The following LRRC4C variants were observed in gnomAD, a reference collection of about 807,000 sequenced individuals.
LRRC4C encodes leucine rich repeat containing 4C, also known as leucine-rich repeat-containing protein 4C.
Under a neutral mutation model 33.6 loss-of-function variants are expected in LRRC4C, and 5 were observed. That is an observed-to-expected ratio of 0.15 (90% CI 0.08 to 0.31). LRRC4C has a LOEUF of 0.31. LRRC4C is among the 10% of genes least tolerant of loss of function. LRRC4C has a pLI of 1.00. For synonymous variants in LRRC4C, 329 were observed against 302.0 expected (o/e 1.09, Z -0.93); for missense variants, 560 against 796.7 (o/e 0.70, Z 3.58).
At chr11:41,322,452 T>A (rs1394674618) in intron 1 of LRRC4C, among the ~76,000 whole-genome samples, 1 of 152,164 alleles carries the variant, frequency 6.6e-6, no homozygotes, top group Non-Finnish European at 1.5e-5. Flanking sequence ...AAGCTTTTTA[T>A]TCAGGCCAAA....
At chr11:40,960,633 C>A (rs1194945493) in intron 1 of LRRC4C, among the ~76,000 whole-genome samples, 2 of 151,660 alleles carry the variant, frequency 1.3e-5, no homozygotes, top group Non-Finnish European at 3.0e-5. Flanking sequence ...TGTTCTAGCA[C>A]AGAAGAAAAC....
At chr11:40,583,532 C>G (rs544485181) in intron 3 of LRRC4C, among the ~76,000 whole-genome samples, 1 of 152,204 alleles carries the variant, frequency 6.6e-6, no homozygotes, top group East Asian at 1.9e-4. Context: ...TTTGGCGTAC[C>G]ATACCTTGCC....
At chr11:40,171,683 T>C (rs1353450651) in intron 5 of LRRC4C, among the ~76,000 whole-genome samples, 1 of 152,184 alleles carries the variant, frequency 6.6e-6, no homozygotes, top group Non-Finnish European at 1.5e-5. Flanking sequence ...AAGGAGCTTG[T>C]GCTTAATCTA....
intron 4 of LRRC4C, 25 bp downstream of exon 4, chr11:40,319,603 T>C (rs1002734327): frequency 1.3e-5 from 2 of 152,158 alleles, no homozygotes; most frequent in African/African-American, 4.8e-5. Context: ...CCCTAAAGAA[T>C]AGATTAGTGG....
intron 4 of LRRC4C, among the ~76,000 whole-genome samples, chr11:40,243,697 T>G (rs966859092): frequency 2.1e-4 from 31 of 147,008 alleles, no homozygotes; most frequent in Admixed American, 2.1e-3. Flanking sequence ...CTTTTTTTTT[T>G]TTTTTTTTTT....
At chr11:40,845,031 T>C (rs534179995) in intron 2 of LRRC4C, among the ~76,000 whole-genome samples, 2 of 152,256 alleles carry the variant, frequency 1.3e-5, no homozygotes, top group African/African-American at 4.8e-5. Flanking sequence ...AACATCATGC[T>C]GTTTAGTTTT....
intron 3 of LRRC4C, among the ~76,000 whole-genome samples, chr11:40,517,676 C>A: frequency 6.6e-6 from 1 of 151,320 alleles, no homozygotes. Context: ...CCATACTGCC[C>A]AAAGTAATTT....
intron 3 of LRRC4C, among the ~76,000 whole-genome samples, chr11:40,464,253 GA>G (rs1165609471): frequency 6.6e-6 from 1 of 151,848 alleles, no homozygotes; most frequent in Non-Finnish European, 1.5e-5. Context: ...AATAGATGAG[GA>G]AAAAAATTGA....
intron 1 of LRRC4C, among the ~76,000 whole-genome samples, chr11:41,270,767 G>T (rs1160245466): frequency 6.6e-6 from 1 of 152,000 alleles, no homozygotes; most frequent in African/African-American, 2.4e-5. Context: ...CATAGCAAAT[G>T]ACTACAAATT....
At chr11:40,633,007 C>A (rs987838482) in intron 3 of LRRC4C, among the ~76,000 whole-genome samples, 1 of 152,166 alleles carries the variant, frequency 6.6e-6, no homozygotes, top group South Asian at 2.1e-4. Flanking sequence ...TTTGCCAAGG[C>A]TACTTTGGGT....
intron 1 of LRRC4C, among the ~76,000 whole-genome samples, chr11:41,277,981 A>T (rs993155107): frequency 6.6e-6 from 1 of 152,076 alleles, no homozygotes; most frequent in Admixed American, 6.6e-5. Flanking sequence ...AATCTAAAAT[A>T]GTTGATCTCA....
chr11:40,581,700 G>A (rs1261188446), intron 3 of LRRC4C, among the ~76,000 whole-genome samples: 2 of 152,028 alleles, frequency 1.3e-5, no homozygotes, highest in Non-Finnish European at 2.9e-5. Context: ...TCGGGAGTTC[G>A]AGACCAGCCT....
chr11:40,365,229 G>A (rs990810610), intron 3 of LRRC4C, among the ~76,000 whole-genome samples: 4 of 151,876 alleles, frequency 2.6e-5, no homozygotes, highest in African/African-American at 4.8e-5. Context: ...TCATATATAC[G>A]ATTTAAAATT....
chr11:41,009,174 C>A (rs1854988160), intron 1 of LRRC4C, among the ~76,000 whole-genome samples: 1 of 151,814 alleles, frequency 6.6e-6, no homozygotes. Context: ...CACATATTTT[C>A]TGATATATGT....
intron 1 of LRRC4C, among the ~76,000 whole-genome samples, chr11:41,031,522 A>G (rs189642494): frequency 5.7e-4 from 86 of 152,132 alleles, no homozygotes; most frequent in African/African-American, 2.0e-3. Flanking sequence ...ATATTGCTTG[A>G]CAAGTTCATT....
chr11:41,209,055 A>G, intron 1 of LRRC4C, among the ~76,000 whole-genome samples: 1 of 150,838 alleles, frequency 6.6e-6, no homozygotes, highest in South Asian at 2.1e-4. Flanking sequence ...GAAAGGTGGG[A>G]GGAGGAAGAG....
intron 1 of LRRC4C, among the ~76,000 whole-genome samples, chr11:41,165,436 T>C (rs901276603): frequency 2.6e-5 from 4 of 152,140 alleles, no homozygotes; most frequent in African/African-American, 9.7e-5. Flanking sequence ...GAACTGACTT[T>C]TCCTTTTTGC....
intron 3 of LRRC4C, among the ~76,000 whole-genome samples, chr11:40,374,347 T>C (rs1480135844): frequency 6.6e-6 from 1 of 152,198 alleles, no homozygotes; most frequent in Non-Finnish European, 1.5e-5. Flanking sequence ...CCCTAATCTG[T>C]ATCAGATACT....
In LRRC4C at chr11:40,134,735, C is replaced by G. The variant is rs112442853; in HGVS notation, c.-43+6066G>C. Among the ~76,000 whole-genome samples the G allele has an allele frequency of 4.4e-3, 677 of 152,254 alleles. 9 individuals carry two copies. The highest frequency in any genetic ancestry group is 0.016 in the South Asian group (77 of 4,832). On this transcript the variant is annotated intron_variant, in intron 6 of 6. Transcript: ENST00000528697. ...GCTCTGGAATCCTTAATATGTGATA[C>G]TCTTAATATATATTTACCAGATCCC...
Sources: allele counts gnomAD v4.1 joint callset (sites outside exome capture counted in the v4.1 genomes callset), GRCh38; gene constraint gnomAD v4.1.1; transcripts MANE v1.5; gene names NCBI Gene and HGNC (gene_info 2026-07-23, HGNC 2026-07-21).